The following ZNF665 variants were observed in gnomAD, a reference collection of about 807,000 sequenced individuals.
The protein encoded by ZNF665 is zinc finger protein 665.
Under a neutral mutation model 7.9 loss-of-function variants are expected in ZNF665, and 6 were observed. The observed-to-expected ratio is 0.76, with a 90% CI of 0.42 to 1.50. ZNF665 has a LOEUF of 1.50. Ranked by LOEUF, ZNF665 falls within the 40% of genes most tolerant of loss-of-function variation. The probability of loss-of-function intolerance (pLI) is 0.01; values close to 1 mark genes in which losing one functional copy is unlikely to be tolerated. For missense variants in ZNF665, 819 were observed against 806.7 expected, an observed-to-expected ratio of 1.02 and a Z score of -0.18; for synonymous variants, 242 against 274.5, an observed-to-expected ratio of 0.88 and a Z score of 1.17.
Position 53,163,333 on chromosome 19 carries a change from A to G in ZNF665, c.*1120T>C, listed in dbSNP as rs1014046380. On this transcript the variant is annotated 3_prime_UTR_variant, in exon 4 of 4. Transcript: ENST00000396424. ...CAGGCGTGAGCCACTGTGCCCGGCC[A>G]GTAGAGAATTTCTTCCCATACCCAC... 1.3e-5 allele frequency: 2 copies of G among 152,138 alleles called. No individual in the cohort carries two copies. Among genetic ancestry groups the G allele is most frequent in the African/African-American group, 2.4e-5 (1 of 41,426 alleles). 9.4% of individuals were successfully genotyped at this position (152,138 alleles called of 1,614,324 possible).
chr19:53,175,660 G>A (rs2090692436), intron 2 of ZNF665, 89 bp from the exon 3 acceptor site: 3 of 1,466,798 alleles, frequency 2.0e-6, no homozygotes, highest in Non-Finnish European at 2.8e-6. Context: ...TGTAAGAATA[G>A]GTTCAATTCA....
At chr19:53,191,028 G>A (rs1259964859) in intron 1 of ZNF665, among the ~76,000 whole-genome samples, 1 of 152,332 alleles carries the variant, frequency 6.6e-6, no homozygotes, top group East Asian at 1.9e-4. Flanking sequence ...TAGCACCTCA[G>A]GAAGGGATGA....
Position 53,166,145 on chromosome 19 carries a change from C to T in ZNF665, c.345G>A (p.Leu115=), listed in dbSNP as rs980305578. The T allele has an allele frequency of 1.1e-5, 17 of 1,613,664 alleles. No individual in the cohort carries two copies. The highest frequency in any genetic ancestry group is 1.4e-5 in the Non-Finnish European group (16 of 1,179,812). ...DEGNYKTVLM[L]QKENLPGRRA... is the part of the protein sequence containing the mutation. ...TTCTACCAGGGAGATTTTCTTTTTG[C>T]AACATAAGTACTGTTTTATAATTTC... is the stretch of plus-strand genomic sequence containing the variant. The change falls in exon 4 of 4, where the codon TTG becomes TTA. Residue 115 remains leucine (L), a synonymous_variant. Coordinates refer to ENST00000396424, the MANE Select transcript of ZNF665 (RefSeq NM_024733.5).
intron 3 of ZNF665, 70 bp from the exon 4 acceptor site, chr19:53,166,417 A>T: frequency 1.5e-6 from 2 of 1,312,022 alleles, no homozygotes; most frequent in Non-Finnish European, 2.1e-6. Flanking sequence ...CCATTGAAAA[A>T]CCTAATGTTA....
intron 3 of ZNF665, among the ~76,000 whole-genome samples, chr19:53,172,824 CAAAA>C (rs66604312): frequency 1.6e-3 from 129 of 82,658 alleles, no homozygotes; most frequent in East Asian, 6.5e-3. Context: ...GATTCTGTCT[CAAAA>C]AAAAAAAAAA....
intron 1 of ZNF665, among the ~76,000 whole-genome samples, chr19:53,189,418 A>C (rs58786664): frequency 0.33 from 49,550 of 148,606 alleles, 9,250 homozygotes; most frequent in Middle Eastern, 0.53. Context: ...CAGGGTAAAG[A>C]GTGTGAGTCA....
At chr19:53,191,944 CCT>C (rs2090820384) in intron 1 of ZNF665, 2 of 152,208 alleles carry the variant, frequency 1.3e-5, no homozygotes, top group African/African-American at 2.4e-5. Context: ...CCATAGTCCC[CCT>C]CTTTCTTCCT....
intron 3 of ZNF665, among the ~76,000 whole-genome samples, chr19:53,168,850 CA>C (rs1392001732): frequency 3.3e-5 from 5 of 152,076 alleles, no homozygotes; most frequent in Admixed American, 6.6e-5. Flanking sequence ...GGAGAAAAGA[CA>C]GTCTTTTTAA....
chr19:53,175,732 C>G (rs2090693090), intron 2 of ZNF665, among the ~76,000 whole-genome samples, 161 bp from the exon 3 acceptor site: 1 of 152,182 alleles, frequency 6.6e-6, no homozygotes, highest in Non-Finnish European at 1.5e-5. Context: ...TCTTCCTCCC[C>G]TTTTCCTGAA....
Position 53,180,973 on chromosome 19 carries a change from G to A in ZNF665, c.15+1911C>T, listed in dbSNP as rs547242781. The stretch of plus-strand genomic sequence containing the variant: ...TGAATAGATTTCAGAAGTACATATT[G>A]CAACAATACTTACTCAAAGAAATTA... On this transcript the variant is annotated intron_variant, in intron 2 of 3. Coordinates refer to ENST00000396424, the MANE Select transcript of ZNF665 (RefSeq NM_024733.5). 16 of 152,152 alleles carry A rather than the reference G, an allele frequency of 1.1e-4. 1 individual carries two copies. The East Asian group carries it at 2.5e-3, about 24-fold the overall frequency. The allele number at this position is 152,152 out of a possible 1,614,324, so 9.4% of individuals were successfully genotyped here.
intron 1 of ZNF665, among the ~76,000 whole-genome samples, chr19:53,192,336 C>T (rs12983926): frequency 0.33 from 49,939 of 151,932 alleles, 9,216 homozygotes; most frequent in Middle Eastern, 0.51. Context: ...TTGTCACCAG[C>T]TGCCCCTTCT....
intron 1 of ZNF665, among the ~76,000 whole-genome samples, chr19:53,183,621 C>T (rs1302927242): frequency 7.2e-6 from 1 of 139,594 alleles, no homozygotes; most frequent in Non-Finnish European, 1.5e-5. Context: ...CCAATACAGA[C>T]AAGAGGTGAG....
intron 1 of ZNF665, among the ~76,000 whole-genome samples, chr19:53,185,124 C>A (rs1292630852): frequency 6.6e-6 from 1 of 151,800 alleles, no homozygotes; most frequent in East Asian, 1.9e-4. Flanking sequence ...TGCGGGCGAG[C>A]CTGACTGATG....
chr19:53,176,564 T>A (rs376098756), intron 2 of ZNF665, among the ~76,000 whole-genome samples: 294 of 152,298 alleles, frequency 1.9e-3, no homozygotes, highest in African/African-American at 7.0e-3. Flanking sequence ...GAAAAGGTGA[T>A]GAGAATTTAC....
chr19:53,185,260 C>T (rs981674190), intron 1 of ZNF665, among the ~76,000 whole-genome samples: 1 of 151,912 alleles, frequency 6.6e-6, no homozygotes, highest in African/African-American at 2.4e-5. Context: ...ACCGCTAGAC[C>T]ACGGTCCGCT....
At position 53,164,862 on chromosome 19, in the gene ZNF665, T is replaced by C. The variant is rs1454036203; in HGVS notation, c.1628A>G (p.Lys543Arg). 6.2e-7 allele frequency: 1 copy of C among 1,614,166 alleles called. No individual in the cohort carries two copies. Among genetic ancestry groups the C allele is most frequent in the South Asian group, 1.1e-5 (1 of 91,078 alleles). Residue 543 changes from lysine to arginine, a missense_variant, in exon 4 of 4, where the codon AAA becomes AGA. Coordinates refer to ENST00000396424, the MANE Select transcript of ZNF665 (RefSeq NM_024733.5). Reference protein sequence around the residue: ...QTIHTGQKPYKCNDCGKVFRH... With the variant: ...QTIHTGQKPYRCNDCGKVFRH... ...GAAGACCTTGCCGCAATCATTACAT[T>C]TGTATGGTTTTTGTCCAGTATGTAT...
At chr19:53,177,129 A>G (rs1027927084) in intron 2 of ZNF665, among the ~76,000 whole-genome samples, 1 of 152,092 alleles carries the variant, frequency 6.6e-6, no homozygotes, top group African/African-American at 2.4e-5. Context: ...AAACAAAAAC[A>G]AAAACAAACA....
intron 3 of ZNF665, among the ~76,000 whole-genome samples, chr19:53,169,496 C>T (rs62115536): frequency 0.2 from 29,702 of 151,782 alleles, 3,567 homozygotes; most frequent in African/African-American, 0.34. Context: ...GGTTGGATGG[C>T]TTTAAAAAAA....
intron 2 of ZNF665, chr19:53,179,693 C>T (rs2146870508): frequency 6.6e-6 from 1 of 152,296 alleles, no homozygotes; most frequent in South Asian, 2.1e-4. Context: ...CTAAGAGTTG[C>T]TCCAGCAAAT....
Sources: gnomAD v4.1 joint callset for allele counts (sites outside exome capture counted in the v4.1 genomes callset) on GRCh38, gnomAD v4.1.1 for gene constraint, MANE v1.5 for transcripts, NCBI Gene and HGNC (gene_info 2026-07-23, HGNC 2026-07-21) for gene names.